The following JADE3 variants were observed in gnomAD, a reference collection of about 807,000 sequenced individuals.
The protein encoded by JADE3 is protein Jade-3.
Under a neutral mutation model 50.1 loss-of-function variants are expected in JADE3, and 2 were observed. The ratio of observed to expected loss-of-function variants is 0.04; its 90% CI spans 0.02 to 0.13. The LOEUF (loss-of-function observed/expected upper bound fraction) is 0.13. Among genes scored for constraint, JADE3 ranks in the 10% least tolerant of loss-of-function variants. JADE3 has a pLI of 1.00. For synonymous variants in JADE3, 218 were observed against 232.9 expected (o/e 0.94, Z 0.58); for missense variants, 475 against 634.4 (o/e 0.75, Z 2.70).
chrX:46,942,173 GT>G (rs1362140317), intron 1 of JADE3, among the ~76,000 whole-genome samples: 7 of 111,470 alleles, frequency 6.3e-5, no homozygotes, highest in Admixed American at 1.9e-4. Context: ...TAGGGTGTCT[GT>G]TTACTCTGTT....
chrX:46,974,859 C>T (rs1378505395), intron 1 of JADE3, among the ~76,000 whole-genome samples: 2 of 112,123 alleles, frequency 1.8e-5, no homozygotes, highest in African/African-American at 6.5e-5. Flanking sequence ...CTGTTTCATC[C>T]CTTTAGAGCA....
intron 7 of JADE3, among the ~76,000 whole-genome samples, chrX:47,034,386 GTATT>G (rs1556367415): frequency 9.0e-6 from 1 of 110,810 alleles, no homozygotes; most frequent in East Asian, 2.8e-4. Flanking sequence ...CATACAGTAT[GTATT>G]TTTTTCGGTC....
chrX:47,035,805 C>A, intron 7 of JADE3, among the ~76,000 whole-genome samples: 1 of 111,320 alleles, frequency 9.0e-6, no homozygotes, highest in East Asian at 2.8e-4. Flanking sequence ...AGTTGCTTGA[C>A]CCCTTATTTT....
At position 46,930,291 on chromosome X, in the gene JADE3, A is replaced by G. The variant is rs1193788971; in HGVS notation, c.-12+17572A>G. 2.7e-5 allele frequency among the ~76,000 whole-genome samples: 3 copies of G among 112,046 alleles called. No individual in the cohort carries two copies. The East Asian group carries it at 8.4e-4, about 31-fold the overall frequency. On this transcript the variant is annotated intron_variant, in intron 1 of 10. Coordinates refer to ENST00000614628, the MANE Select transcript of JADE3 (RefSeq NM_014735.5). Reference sequence around the variant, plus strand: ...AGAGAGATCCAGTCATCAACCAGCCATCAGATATGTGAGTGAAGCCATCTT... The same window carrying G: ...AGAGAGATCCAGTCATCAACCAGCCGTCAGATATGTGAGTGAAGCCATCTT...
intron 8 of JADE3, among the ~76,000 whole-genome samples, chrX:47,053,539 G>GT (rs1279735370): frequency 8.9e-6 from 1 of 111,880 alleles, no homozygotes; most frequent in Admixed American, 9.4e-5. Flanking sequence ...GATCACAGGC[G>GT]TAAGCCACTG....
At chrX:46,981,929 T>C (rs1306293976) in intron 1 of JADE3, among the ~76,000 whole-genome samples, 2 of 111,741 alleles carry the variant, frequency 1.8e-5, no homozygotes, top group Non-Finnish European at 3.8e-5. Flanking sequence ...GTCTTTGGCT[T>C]TCAGTAATTT....
intron 4 of JADE3, among the ~76,000 whole-genome samples, chrX:47,004,270 T>G (rs1928361740): frequency 9.0e-6 from 1 of 111,591 alleles, no homozygotes; most frequent in Admixed American, 9.6e-5. Context: ...AGTACTGGTC[T>G]TATAAAATTA....
intron 4 of JADE3, among the ~76,000 whole-genome samples, chrX:47,000,584 G>A (rs902773809): frequency 1.8e-5 from 2 of 111,344 alleles, no homozygotes; most frequent in African/African-American, 6.5e-5. Flanking sequence ...ATAGGGTCTC[G>A]CTCTGTCACT....
At chrX:47,020,252 A>G (rs1181444477) in intron 4 of JADE3, among the ~76,000 whole-genome samples, 2 of 109,860 alleles carry the variant, frequency 1.8e-5, no homozygotes, top group Non-Finnish European at 3.8e-5. Flanking sequence ...AATCATTTCA[A>G]CCTGGTAGGC....
At chrX:46,951,687 C>A (rs1224710227) in intron 1 of JADE3, among the ~76,000 whole-genome samples, 2 of 109,167 alleles carry the variant, frequency 1.8e-5, no homozygotes, top group African/African-American at 6.6e-5. Flanking sequence ...TCCCACAGGT[C>A]CCTGAGGCTT....
chrX:47,016,068 A>G (rs1243158245), intron 4 of JADE3, among the ~76,000 whole-genome samples: 1 of 110,816 alleles, frequency 9.0e-6, no homozygotes, highest in African/African-American at 3.3e-5. Flanking sequence ...TCCAGTCAGC[A>G]TGAAAAGAGT....
intron 1 of JADE3, among the ~76,000 whole-genome samples, chrX:46,951,089 A>T (rs1445390646): frequency 4.7e-5 from 5 of 105,990 alleles, no homozygotes; most frequent in African/African-American, 6.8e-5. Flanking sequence ...ATTTTTATTT[A>T]TTTTTTTGAG....
chrX:47,012,491 G>C (rs1238970069), intron 4 of JADE3, among the ~76,000 whole-genome samples: 2 of 110,918 alleles, frequency 1.8e-5, no homozygotes, highest in African/African-American at 6.6e-5. Context: ...TTACGTGGAA[G>C]GATTGCTTGA....
chrX:47,001,916 A>C (rs1556359148), intron 4 of JADE3, among the ~76,000 whole-genome samples: 3 of 111,444 alleles, frequency 2.7e-5, no homozygotes, highest in African/African-American at 9.8e-5. Flanking sequence ...TCAGTGAAAT[A>C]TATCTTTGTC....
At chrX:47,035,401 A>G (rs1208943093) in intron 7 of JADE3, among the ~76,000 whole-genome samples, 1 of 112,013 alleles carries the variant, frequency 8.9e-6, no homozygotes, top group African/African-American at 3.2e-5. Context: ...TTTTAAAAAA[A>G]TATTTGAATA....
chrX:46,998,924 C>G (rs1556358165), intron 4 of JADE3, among the ~76,000 whole-genome samples: 1 of 110,601 alleles, frequency 9.0e-6, no homozygotes, highest in Non-Finnish European at 1.9e-5. Flanking sequence ...TTCTTGAACT[C>G]CTGACTTCAT....
At chrX:47,044,859 CA>C (rs1929340296) in intron 8 of JADE3, among the ~76,000 whole-genome samples, 1 of 111,748 alleles carries the variant, frequency 8.9e-6, no homozygotes, top group Admixed American at 9.6e-5. Context: ...AAGTTGTCAT[CA>C]GTTTAAAATA....
chrX:46,991,540 A>C (rs1928006966), intron 3 of JADE3, among the ~76,000 whole-genome samples: 1 of 111,441 alleles, frequency 9.0e-6, no homozygotes, highest in Non-Finnish European at 1.9e-5. Flanking sequence ...TTTTATGTTG[A>C]CGTACGTTTT....
chrX:46,949,005 C>G (rs1024296253), intron 1 of JADE3, among the ~76,000 whole-genome samples: 2 of 111,357 alleles, frequency 1.8e-5, no homozygotes, highest in Non-Finnish European at 3.8e-5. Context: ...ACAATCATGG[C>G]CCACTGCAGC....
Sources: allele counts gnomAD v4.1 joint callset (sites outside exome capture counted in the v4.1 genomes callset), GRCh38; gene constraint gnomAD v4.1.1; transcripts MANE v1.5; gene names NCBI Gene and HGNC (gene_info 2026-07-23, HGNC 2026-07-21).